The following SAXO1 variants were observed in gnomAD, a reference collection of about 807,000 sequenced individuals.
SAXO1 encodes 4930500O09Rik.
In SAXO1, 21 loss-of-function variants were observed where a neutral mutation model predicts 17.5. The ratio of observed to expected loss-of-function variants is 1.20; its 90% CI spans 0.85 to 1.72. The LOEUF is 1.72. Ranked by LOEUF, SAXO1 falls within the 40% of genes most tolerant of loss-of-function variation. The probability of loss-of-function intolerance (pLI) is 0.00; values close to 1 mark genes in which losing one functional copy is unlikely to be tolerated. For missense variants in SAXO1, 843 were observed against 596.0 expected (o/e 1.41, Z -4.32); for synonymous variants, 274 against 216.5 (o/e 1.27, Z -2.33).
At position 18,928,414 on chromosome 9, in the gene SAXO1, C is replaced by G. The variant is rs147428758; in HGVS notation, c.1063G>C (p.Val355Leu). 12 of 1,609,486 alleles carry G rather than the reference C, an allele frequency of 7.5e-6. No homozygotes were observed. Among genetic ancestry groups the G allele is most frequent in the Non-Finnish European group, 1.0e-5 (12 of 1,177,460 alleles). Reference sequence around the variant, plus strand: ...AAGTCCAGCTGGGGAACGGGCTTGACTGGCTCTGTGCGCATGCTGGACCAC... The same window carrying G: ...AAGTCCAGCTGGGGAACGGGCTTGAGTGGCTCTGTGCGCATGCTGGACCAC... ...KQWSSMRTEPVKPVPQLDLPT... is the reference protein window; with the variant it reads ...KQWSSMRTEPLKPVPQLDLPT... Residue 355 changes from valine to leucine, a missense_variant, in exon 4 of 4, where the codon GTC (valine) becomes CTC (leucine). Transcript: ENST00000380534.
intron 1 of SAXO1, among the ~76,000 whole-genome samples, chr9:18,988,446 A>G (rs1833678828): frequency 6.6e-6 from 1 of 152,234 alleles, no homozygotes; most frequent in Admixed American, 6.5e-5. Context: ...AGTGTTCCCA[A>G]TTAGACATTT....
At chr9:19,035,589 G>C (rs1835915472), upstream of SAXO1, among the ~76,000 whole-genome samples, 2 of 152,208 alleles carry the variant, frequency 1.3e-5, no homozygotes, top group Non-Finnish European at 2.9e-5. Flanking sequence ...ACAGTTTGGA[G>C]GGCTCCGAAG....
chr9:19,014,369 C>T (rs1834878051), intron 1 of SAXO1, among the ~76,000 whole-genome samples: 1 of 147,400 alleles, frequency 6.8e-6, no homozygotes, highest in South Asian at 2.1e-4. Context: ...GGCTGAGGCA[C>T]AAGAATCCCT....
chr9:18,948,217 T>G (rs547977012), intron 2 of SAXO1, among the ~76,000 whole-genome samples: 1 of 152,262 alleles, frequency 6.6e-6, no homozygotes, highest in South Asian at 2.1e-4. Context: ...ATAATTTTGT[T>G]CTCGGTCTAT....
At chr9:19,009,502 C>A (rs890574017) in intron 1 of SAXO1, among the ~76,000 whole-genome samples, 1 of 152,166 alleles carries the variant, frequency 6.6e-6, no homozygotes, top group South Asian at 2.1e-4. Context: ...AAGGGGGAAG[C>A]TGCAGATGCT....
At chr9:19,043,788 A>G (rs1193969433) in intron 1 of SAXO1, among the ~76,000 whole-genome samples, 2 of 151,806 alleles carry the variant, frequency 1.3e-5, no homozygotes, top group Non-Finnish European at 2.9e-5. Flanking sequence ...AAGACCTAGT[A>G]TTTGATAGCA....
chr9:19,007,688 C>T (rs1364322405), intron 1 of SAXO1, among the ~76,000 whole-genome samples: 2 of 131,496 alleles, frequency 1.5e-5, no homozygotes, highest in Non-Finnish European at 3.3e-5. Flanking sequence ...CCAAATTCAG[C>T]TTGCTACCTG....
At chr9:18,957,460 G>A (rs1832299943) in intron 1 of SAXO1, among the ~76,000 whole-genome samples, 1 of 152,072 alleles carries the variant, frequency 6.6e-6, no homozygotes, top group South Asian at 2.1e-4. Flanking sequence ...CCACATACCT[G>A]ACCTCCACTT....
chr9:19,042,877 A>T (rs1836110170), intron 1 of SAXO1, among the ~76,000 whole-genome samples: 1 of 151,452 alleles, frequency 6.6e-6, no homozygotes, highest in Admixed American at 6.6e-5. Flanking sequence ...AGAGAAAGAA[A>T]GAAAGAAAAT....
At chr9:18,967,386 G>T (rs576314769) in intron 1 of SAXO1, among the ~76,000 whole-genome samples, 14 of 143,370 alleles carry the variant, frequency 9.8e-5, no homozygotes, top group Non-Finnish European at 1.9e-4. Flanking sequence ...AGGGAGATGG[G>T]AGTTTTATCT....
intron 1 of SAXO1, among the ~76,000 whole-genome samples, chr9:19,017,010 T>G (rs534696692): frequency 6.6e-6 from 1 of 151,732 alleles, no homozygotes; most frequent in Non-Finnish European, 1.5e-5. Flanking sequence ...CTCTGCAACT[T>G]CAATGCAGAC....
At chr9:19,031,865 G>C (rs141191785) in intron 1 of SAXO1, among the ~76,000 whole-genome samples, 76 of 152,248 alleles carry the variant, frequency 5.0e-4, no homozygotes, top group African/African-American at 1.8e-3. Flanking sequence ...GATATAGAAG[G>C]TTGCTGATCC....
intron 1 of SAXO1, among the ~76,000 whole-genome samples, chr9:18,977,000 A>G (rs1833180563): frequency 6.6e-6 from 1 of 152,154 alleles, no homozygotes; most frequent in Non-Finnish European, 1.5e-5. Flanking sequence ...CTTTTTCTTC[A>G]TTATTGCTAA....
At chr9:19,029,414 C>G (rs950693503) in intron 1 of SAXO1, among the ~76,000 whole-genome samples, 2 of 152,172 alleles carry the variant, frequency 1.3e-5, no homozygotes, top group Admixed American at 6.5e-5. Flanking sequence ...CACTCAAGGG[C>G]GCTGTCTCTG....
intron 1 of SAXO1, among the ~76,000 whole-genome samples, chr9:18,980,186 C>A (rs1343245054): frequency 3.3e-5 from 5 of 152,126 alleles, no homozygotes; most frequent in Non-Finnish European, 7.3e-5. Flanking sequence ...CTGGGTTATT[C>A]TAGAGTCATT....
At chr9:18,943,112 A>C (rs1831642364) in intron 2 of SAXO1, among the ~76,000 whole-genome samples, 1 of 152,180 alleles carries the variant, frequency 6.6e-6, no homozygotes, top group Non-Finnish European at 1.5e-5. Context: ...TATACACATG[A>C]TTGTCAGTAA....
At chr9:18,959,072 G>A (rs1042929091) in intron 1 of SAXO1, among the ~76,000 whole-genome samples, 2 of 152,152 alleles carry the variant, frequency 1.3e-5, no homozygotes, top group East Asian at 3.9e-4. Context: ...TTATTTGGTG[G>A]CTAGAAAACA....
At position 18,956,110 on chromosome 9, in the gene SAXO1, A is replaced by AT. The variant is rs34950206; in HGVS notation, c.39-5174dup. 3.1e-3 allele frequency among the ~76,000 whole-genome samples: 402 copies of AT among 128,790 alleles called. 1 individual carries two copies. The highest frequency in any genetic ancestry group is 8.9e-3 in the South Asian group (37 of 4,136). 84.5% of individuals were successfully genotyped at this position (128,790 alleles called of 152,430 possible). On this transcript the variant is annotated intron_variant, in intron 1 of 3. Transcript: ENST00000380534. ...CATGCACCACTGCACAACCTGGCTA[A>AT]TTTTTTTTTTTTTTTTTTTTTGTAG...
In SAXO1 at chr9:19,032,929, GA is replaced by G. The variant is rs1835830407; in HGVS notation, c.-22del. On this transcript the variant is annotated 5_prime_UTR_variant, in exon 1 of 4. Coordinates refer to ENST00000380534, the MANE Select transcript of SAXO1 (RefSeq NM_153707.4). ...TTCATAGGGGCGATCCTGAGGCCCT[GA>G]CGTCCCCTCAGAGCATCGCCAGCTG... The G allele has an allele frequency of 1.9e-6, 3 of 1,605,224 alleles. No homozygotes were observed. The East Asian group carries it at 6.7e-5, about 36-fold the overall frequency.
Sources: allele counts gnomAD v4.1 joint callset (sites outside exome capture counted in the v4.1 genomes callset), GRCh38; gene constraint gnomAD v4.1.1; transcripts MANE v1.5; gene names NCBI Gene and HGNC (gene_info 2026-07-23, HGNC 2026-07-21).